Variants in DGKH observed in about 807,000 individuals in gnomAD.
The protein encoded by DGKH is DAG kinase eta.
Under a neutral mutation model 159.3 loss-of-function variants are expected in DGKH, and 90 were observed. That is an observed-to-expected ratio of 0.57 (90% CI 0.48 to 0.67). DGKH has a LOEUF of 0.67. Among genes scored for constraint, DGKH ranks in the 30% least tolerant of loss-of-function variants. The pLI is 0.00. For synonymous variants in DGKH, 536 were observed against 553.8 expected, an observed-to-expected ratio of 0.97 and a Z score of 0.45; for missense variants, 1,181 against 1,506.1, an observed-to-expected ratio of 0.78 and a Z score of 3.57.
intron 29 of DGKH, among the ~76,000 whole-genome samples, chr13:42,223,836 G>A (rs541998933): frequency 2.6e-5 from 4 of 151,890 alleles, no homozygotes; most frequent in Non-Finnish European, 4.4e-5. Context: ...GGGCTTTTAC[G>A]GAATCCATTG....
chr13:42,084,396 A>G (rs1954264816), intron 1 of DGKH, among the ~76,000 whole-genome samples: 1 of 152,054 alleles, frequency 6.6e-6, no homozygotes, highest in Non-Finnish European at 1.5e-5. Context: ...TCTGCTATTC[A>G]GTGTTGTATA....
At chr13:42,209,606 ATATT>A (rs1204062743) in intron 23 of DGKH, 141 bp downstream of exon 23, 67 of 1,049,610 alleles carry the variant, frequency 6.4e-5, no homozygotes, top group Non-Finnish European at 8.1e-5. Context: ...ATATGAACAA[ATATT>A]TATTTATTTC....
intron 1 of DGKH, among the ~76,000 whole-genome samples, chr13:42,051,885 G>A (rs555393424): frequency 2.2e-4 from 33 of 151,956 alleles, no homozygotes; most frequent in African/African-American, 7.5e-4. Flanking sequence ...GGCTGGTCTC[G>A]AACTCCCGAC....
chr13:42,187,121 C>T lies in DGKH; in HGVS notation c.1611C>T (p.Ala537=), dbSNP rs769096528. ...CGTATGACAAAACCTTGGAAAATGC[C>T]GTTGTAGCTGATGCCGTGGCCAGTA... ...EKTYDKTLEN[A]VVADAVASKC... The change falls in exon 14 of 30, where the codon GCC becomes GCT. Residue 537 remains alanine (A), a synonymous_variant. Coordinates refer to ENST00000337343, the MANE Select transcript of DGKH (RefSeq NM_178009.5). 6.8e-6 allele frequency: 11 copies of T among 1,613,972 alleles called. No homozygotes were observed. The highest frequency in any genetic ancestry group is 9.3e-6 in the Non-Finnish European group (11 of 1,179,950).
intron 29 of DGKH, among the ~76,000 whole-genome samples, chr13:42,225,703 G>T (rs1318336330): frequency 6.6e-6 from 1 of 151,040 alleles, no homozygotes; most frequent in Non-Finnish European, 1.5e-5. Flanking sequence ...AACCCAGGAG[G>T]TGGAGGTTGC....
intron 1 of DGKH, among the ~76,000 whole-genome samples, chr13:42,113,804 TA>T (rs1954914039): frequency 6.6e-6 from 1 of 151,996 alleles, no homozygotes; most frequent in Non-Finnish European, 1.5e-5. Flanking sequence ...GATAATCACA[TA>T]AAAATATTTA....
chr13:42,129,348 A>G (rs1225824911), intron 2 of DGKH, among the ~76,000 whole-genome samples: 1 of 152,178 alleles, frequency 6.6e-6, no homozygotes, highest in Non-Finnish European at 1.5e-5. Flanking sequence ...GGGTGTCTTT[A>G]AAGCCCTTTT....
chr13:42,197,355 A>G (rs17062992), intron 17 of DGKH, among the ~76,000 whole-genome samples: 13,966 of 151,076 alleles, frequency 0.092, 1,818 homozygotes, highest in African/African-American at 0.29. Context: ...TACTAAATTT[A>G]TTGTTTTCTT....
At chr13:42,185,380 A>AG (rs1451197343) in intron 13 of DGKH, among the ~76,000 whole-genome samples, 1 of 152,138 alleles carries the variant, frequency 6.6e-6, no homozygotes, top group African/African-American at 2.4e-5. Context: ...ACAGGATCAT[A>AG]GTGTCTCTGT....
At chr13:42,244,903 CAAAAAAAAAAAAAAAA>C (rs57184890), downstream of DGKH, among the ~76,000 whole-genome samples, 5 of 42,964 alleles carry the variant, frequency 1.2e-4, no homozygotes, top group South Asian at 2.9e-3. Flanking sequence ...GACTCCGTCT[CAAAAAAAAAAAAAAAA>C]AAAAAAAAAA....
chr13:42,222,519 G>A (rs562222869), intron 29 of DGKH, among the ~76,000 whole-genome samples: 17 of 152,008 alleles, frequency 1.1e-4, no homozygotes, highest in Non-Finnish European at 2.1e-4. Context: ...CCTAAATCTG[G>A]AACATAGCAA....
At chr13:42,075,416 A>G (rs1954075914) in intron 1 of DGKH, among the ~76,000 whole-genome samples, 2 of 152,224 alleles carry the variant, frequency 1.3e-5, no homozygotes, top group Admixed American at 6.5e-5. Context: ...ACATCAATGA[A>G]TATGAGATCT....
At chr13:42,106,434 A>AC (rs1229424999) in intron 1 of DGKH, among the ~76,000 whole-genome samples, 1 of 152,190 alleles carries the variant, frequency 6.6e-6, no homozygotes, top group Non-Finnish European at 1.5e-5. Context: ...GGACGACTGC[A>AC]CCGTGTGCAG....
intron 3 of DGKH, among the ~76,000 whole-genome samples, chr13:42,134,092 A>G (rs765671316): frequency 2.6e-5 from 4 of 152,224 alleles, no homozygotes; most frequent in African/African-American, 4.8e-5. Context: ...TGGAAACTAC[A>G]TAAACGGTAA....
At chr13:42,101,078 C>T (rs575133646) in intron 1 of DGKH, among the ~76,000 whole-genome samples, 2 of 152,200 alleles carry the variant, frequency 1.3e-5, no homozygotes, top group African/African-American at 2.4e-5. Flanking sequence ...CTGGCTCCCC[C>T]ACTAATCTCT....
intron 7 of DGKH, among the ~76,000 whole-genome samples, chr13:42,163,529 T>C (rs1322591553): frequency 1.3e-5 from 2 of 152,150 alleles, no homozygotes; most frequent in Non-Finnish European, 2.9e-5. Context: ...ACCTGTTGTT[T>C]CCTGACTTTT....
intron 6 of DGKH, 123 bp from the exon 7 acceptor site, chr13:42,159,888 G>C (rs893844774): frequency 2.1e-6 from 3 of 1,399,962 alleles, no homozygotes; most frequent in East Asian, 4.8e-5. Context: ...GGGTAAATGA[G>C]TGAATGCTAT....
In DGKH at chr13:42,129,566, T is replaced by C; in HGVS notation, c.318T>C (p.Asp106=). The C allele has an allele frequency of 6.2e-7, 1 of 1,612,672 alleles. No individual in the cohort carries two copies. ...TTCATTAACAGTCTCTGATATTTGA[T>C]GAAGTTGACCTCTCAGATGCTAGTG... ...YAKDSKSLIF[D]EVDLSDASVA... Residue 106 remains aspartate, a synonymous_variant, in exon 3 of 30, where the codon GAT becomes GAC. Coordinates refer to ENST00000337343, the MANE Select transcript of DGKH (RefSeq NM_178009.5).
At position 42,219,727 on chromosome 13, in the gene DGKH, C is replaced by T. The variant is rs201313434; in HGVS notation, c.3375C>T (p.Thr1125=). ...GCACCAAAAGGAACAACAGAAGCAC[C>T]GTATTTCGAATAGTGCCAAAGTTTA... ...MDCTKRNNRS[T]VFRIVPKFKK... The change falls in exon 28 of 30, where the codon ACC becomes ACT. Residue 1125 remains threonine (T), a synonymous_variant. Coordinates refer to ENST00000337343, the MANE Select transcript of DGKH (RefSeq NM_178009.5). 9.3e-6 allele frequency: 15 copies of T among 1,613,544 alleles called. No individual in the cohort carries two copies. The highest frequency in any genetic ancestry group is 1.7e-5 in the Admixed American group (1 of 59,958).
Sources: gnomAD v4.1 joint callset for allele counts (sites outside exome capture counted in the v4.1 genomes callset) on GRCh38, gnomAD v4.1.1 for gene constraint, MANE v1.5 for transcripts, NCBI Gene and HGNC (gene_info 2026-07-23, HGNC 2026-07-21) for gene names.